The following SLC25A53 variants were observed in gnomAD, a reference collection of about 807,000 sequenced individuals.
The protein encoded by SLC25A53 is solute carrier family 25 member 53.
Under a neutral mutation model 15.0 loss-of-function variants are expected in SLC25A53, and 5 were observed. The ratio of observed to expected loss-of-function variants is 0.33; its 90% CI spans 0.17 to 0.70. The LOEUF (loss-of-function observed/expected upper bound fraction) is 0.70, where lower values mean the gene tolerates loss of function less well. Among genes scored for constraint, SLC25A53 ranks in the 30% least tolerant of loss-of-function variants. SLC25A53 has a pLI of 0.67. For synonymous variants in SLC25A53, 95 were observed against 100.0 expected, an observed-to-expected ratio of 0.95 and a Z score of 0.30; for missense variants, 216 against 241.6, an observed-to-expected ratio of 0.89 and a Z score of 0.70.
intron 1 of SLC25A53, among the ~76,000 whole-genome samples, chrX:104,152,854 T>C (rs1411146391): frequency 8.9e-6 from 1 of 112,327 alleles, no homozygotes; most frequent in Non-Finnish European, 1.9e-5. Context: ...TGTCTTTTTA[T>C]GTGTGTCTGA....
chrX:104,108,777 T>C (rs1556357205), intron 1 of SLC25A53, among the ~76,000 whole-genome samples: 1 of 111,748 alleles, frequency 8.9e-6, no homozygotes, highest in East Asian at 2.8e-4. Flanking sequence ...CACAAATGAA[T>C]GCATTTGTCT....
intron 1 of SLC25A53, among the ~76,000 whole-genome samples, chrX:104,120,442 G>A (rs2075390017): frequency 8.9e-6 from 1 of 111,796 alleles, no homozygotes; most frequent in East Asian, 2.8e-4. Flanking sequence ...TTAGTTCAAG[G>A]TAATTGTGTA....
intron 1 of SLC25A53, among the ~76,000 whole-genome samples, chrX:104,109,172 C>T (rs1420697193): frequency 3.6e-5 from 4 of 111,288 alleles, no homozygotes; most frequent in Non-Finnish European, 7.5e-5. Context: ...GTGAGTTGTG[C>T]ATGGGGCTGG....
At chrX:104,116,119 G>A (rs781943603) in intron 1 of SLC25A53, among the ~76,000 whole-genome samples, 3 of 103,517 alleles carry the variant, frequency 2.9e-5, no homozygotes, top group Non-Finnish European at 3.9e-5. Flanking sequence ...GATGGGGAAC[G>A]GGGGGGGGAC....
rs1015663585 is a variant in SLC25A53, at chrX:104,114,022, A to G, written c.-31-8734T>C. ...CTGAAATATAAGGCAGGCACAGCCC[A>G]GGAACGTTGCTTTGGAGAATCCTGC... On this transcript the variant is annotated intron_variant, in intron 1 of 1. Coordinates refer to ENST00000594199, the MANE Select transcript of SLC25A53 (RefSeq NM_001012755.5). 72 of 1,182,843 alleles carry G rather than the reference A, an allele frequency of 6.1e-5. 1 individual carries two copies. The highest frequency in any genetic ancestry group is 1.4e-4 in the Admixed American group (6 of 42,126).
intron 1 of SLC25A53, among the ~76,000 whole-genome samples, chrX:104,110,457 T>C (rs1348293988): frequency 1.8e-5 from 2 of 111,659 alleles, no homozygotes; most frequent in African/African-American, 6.5e-5. Context: ...GAACTCTAGA[T>C]CTTGGGGTTG....
intron 1 of SLC25A53, among the ~76,000 whole-genome samples, chrX:104,146,032 G>A (rs1407532960): frequency 8.9e-6 from 1 of 111,939 alleles, no homozygotes; most frequent in Non-Finnish European, 1.9e-5. Flanking sequence ...CAATATCCCT[G>A]ATGAACATCA....
Position 104,101,583 on chromosome X carries a change from T to C in SLC25A53, c.*2751A>G, listed in dbSNP as rs1319958451. On this transcript the variant is annotated 3_prime_UTR_variant, in exon 2 of 2. Coordinates refer to ENST00000594199, the MANE Select transcript of SLC25A53 (RefSeq NM_001012755.5). The stretch of plus-strand genomic sequence containing the variant: ...CAAAGACCAAGTATATATTTCACAA[T>C]ATCACATATATTGTGTGAGTTTTCA... 8.9e-6 allele frequency: 1 copy of C among 112,708 alleles called. No homozygotes were observed. Among genetic ancestry groups the C allele is most frequent in the Non-Finnish European group, 1.9e-5 (1 of 53,399 alleles). The allele number at this position is 112,708 out of a possible 1,213,427, so 9.3% of individuals were successfully genotyped here. A position where few individuals can be genotyped will look rare whatever the true frequency, so the allele number is the denominator to read the frequency against.
At chrX:104,124,714 A>C (rs1317599430) in intron 1 of SLC25A53, among the ~76,000 whole-genome samples, 1 of 110,432 alleles carries the variant, frequency 9.1e-6, no homozygotes, top group Non-Finnish European at 1.9e-5. Context: ...TGATCATGCC[A>C]CTACACTCCA....
intron 1 of SLC25A53, among the ~76,000 whole-genome samples, chrX:104,120,959 T>TA (rs1556362613): frequency 1.8e-5 from 2 of 112,764 alleles, no homozygotes; most frequent in Admixed American, 1.9e-4. Context: ...AATGCTAAAT[T>TA]ACATTATTTG....
chrX:104,120,254 A>AT (rs1342756204), intron 1 of SLC25A53, among the ~76,000 whole-genome samples: 9 of 111,298 alleles, frequency 8.1e-5, no homozygotes, highest in Non-Finnish European at 1.7e-4. Context: ...TGGCTCATAG[A>AT]TTGTGTATAT....
At chrX:104,155,080 C>A (rs923782122) in intron 1 of SLC25A53, among the ~76,000 whole-genome samples, 2 of 110,435 alleles carry the variant, frequency 1.8e-5, no homozygotes, top group Non-Finnish European at 3.8e-5. Flanking sequence ...CAAATAAGTC[C>A]ATTTTATTTC....
chrX:104,109,584 G>T lies in SLC25A53; in HGVS notation c.-31-4296C>A, dbSNP rs1237393608. Among the ~76,000 whole-genome samples, 3 of 112,048 alleles carry T rather than the reference G, an allele frequency of 2.7e-5. No individual in the cohort carries two copies. In the Admixed American group the frequency reaches 2.8e-4, roughly 11 times the overall value. On this transcript the variant is annotated intron_variant, in intron 1 of 1. Transcript: ENST00000594199. ...AGGCTGCAATTGGTCTAATGAACTGGGTTATCTACAGAATGCATTTTGGAC... is the reference window on the plus strand; with the variant it reads ...AGGCTGCAATTGGTCTAATGAACTGTGTTATCTACAGAATGCATTTTGGAC...
In SLC25A53 at chrX:104,101,801, A is replaced by C. The variant is rs2075281956; in HGVS notation, c.*2533T>G. 8.9e-6 allele frequency: 1 copy of C among 111,906 alleles called. No homozygotes were observed. Among genetic ancestry groups the C allele is most frequent in the African/African-American group, 3.2e-5 (1 of 30,770 alleles). 9.2% of individuals were successfully genotyped at this position (111,906 alleles called of 1,213,427 possible). ...CACTTAAATAATAAAGCAAATGGGG[A>C]GAAACATTAATAATAGGGGAATTAG... On this transcript the variant is annotated 3_prime_UTR_variant, in exon 2 of 2. Coordinates refer to ENST00000594199, the MANE Select transcript of SLC25A53 (RefSeq NM_001012755.5).
At chrX:104,129,144 T>C (rs2075418837) in intron 1 of SLC25A53, among the ~76,000 whole-genome samples, 1 of 112,164 alleles carries the variant, frequency 8.9e-6, no homozygotes. Flanking sequence ...CTGTCCACTA[T>C]GCTTTTTCTA....
chrX:104,122,317 G>T (rs79532453), intron 1 of SLC25A53, among the ~76,000 whole-genome samples: 1,523 of 72,886 alleles, frequency 0.021, 9 homozygotes, highest in Non-Finnish European at 0.025. Flanking sequence ...TTTTTTTTTT[G>T]TTTTTTTTTT....
Position 104,103,654 on chromosome X carries a change from T to C in SLC25A53, c.*680A>G, listed in dbSNP as rs368870607. On this transcript the variant is annotated 3_prime_UTR_variant, in exon 2 of 2. Transcript: ENST00000594199. ...AAGCAGACTATAGCAAATGTTTCTA[T>C]TTTGCATGTAATTAAATCTTTTCTT... 1 of 112,185 alleles carries C rather than the reference T, an allele frequency of 8.9e-6. No homozygotes were observed. Among genetic ancestry groups the C allele is most frequent in the Non-Finnish European group, 1.9e-5 (1 of 53,333 alleles). 9.2% of individuals were successfully genotyped at this position (112,185 alleles called of 1,213,427 possible).
At position 104,117,864 on chromosome X, in the gene SLC25A53, A is replaced by T. The variant is rs782070958; in HGVS notation, c.-31-12576T>A. On this transcript the variant is annotated intron_variant, in intron 1 of 1. Transcript: ENST00000594199. ...GAAACCAGGTAGAGTGAAAAGAGGAATAAATGCTACACCTACCCCCATCCT... is the reference window on the plus strand; with the variant it reads ...GAAACCAGGTAGAGTGAAAAGAGGATTAAATGCTACACCTACCCCCATCCT... Among the ~76,000 whole-genome samples the T allele has an allele frequency of 1.1e-4, 12 of 112,488 alleles. No homozygotes were observed. In the East Asian group the frequency reaches 2.5e-3, roughly 24 times the overall value.
chrX:104,140,322 CGTGTGTGTGT>C (rs55930796), intron 1 of SLC25A53, among the ~76,000 whole-genome samples: 33 of 100,895 alleles, frequency 3.3e-4, no homozygotes, highest in Non-Finnish European at 4.8e-4. Context: ...GACAGGATTC[CGTGTGTGTGT>C]GTGTGTGTGT....
Sources: allele counts gnomAD v4.1 joint callset (sites outside exome capture counted in the v4.1 genomes callset), GRCh38; gene constraint gnomAD v4.1.1; transcripts MANE v1.5; gene names NCBI Gene and HGNC (gene_info 2026-07-23, HGNC 2026-07-21).